Variants in AUTS2 observed in about 807,000 individuals in gnomAD.
AUTS2 encodes autism susceptibility gene 2 protein.
In AUTS2, 17 loss-of-function variants were observed where a neutral mutation model predicts 112.4. The ratio of observed to expected loss-of-function variants is 0.15; its 90% CI spans 0.10 to 0.23. AUTS2 has a LOEUF of 0.23. Among genes scored for constraint, AUTS2 ranks in the 10% least tolerant of loss-of-function variants. The pLI is 1.00. For synonymous variants in AUTS2, 751 were observed against 702.7 expected (o/e 1.07, Z -1.09); for missense variants, 1,510 against 1,701.6 (o/e 0.89, Z 1.98).
At chr7:69,906,058 G>T (rs1775756377) in intron 2 of AUTS2, among the ~76,000 whole-genome samples, 1 of 152,184 alleles carries the variant, frequency 6.6e-6, no homozygotes, top group South Asian at 2.1e-4. Flanking sequence ...AAAGTGACAG[G>T]AGTGATTCTC....
At chr7:69,856,311 A>C (rs1792718215) in intron 1 of AUTS2, among the ~76,000 whole-genome samples, 1 of 152,136 alleles carries the variant, frequency 6.6e-6, no homozygotes, top group South Asian at 2.1e-4. Context: ...GAAAGGAAGA[A>C]AGTGATCACC....
intron 5 of AUTS2, among the ~76,000 whole-genome samples, chr7:70,495,661 G>T (rs1311743865): frequency 2.8e-5 from 3 of 105,902 alleles, no homozygotes; most frequent in East Asian, 3.0e-4. Flanking sequence ...CATCAGCATC[G>T]ATCACACACC....
intron 4 of AUTS2, among the ~76,000 whole-genome samples, chr7:70,301,417 G>A (rs1164459398): frequency 2.0e-5 from 3 of 151,136 alleles, no homozygotes; most frequent in Non-Finnish European, 3.0e-5. Flanking sequence ...TAGTATGTGT[G>A]GATCTTTTTT....
intron 4 of AUTS2, among the ~76,000 whole-genome samples, chr7:70,231,620 T>G (rs1485208933): frequency 6.6e-6 from 1 of 151,702 alleles, no homozygotes; most frequent in East Asian, 1.9e-4. Context: ...TTTTTTTGTA[T>G]TTTTAGTAGA....
At chr7:70,775,302 A>T (rs984215378) in intron 12 of AUTS2, 55 bp from the exon 13 acceptor site, 12 of 1,505,344 alleles carry the variant, frequency 8.0e-6, no homozygotes, top group Non-Finnish European at 1.1e-5. Flanking sequence ...TTTGTTAATT[A>T]GAGCAATTGT....
chr7:70,334,385 A>G lies in AUTS2; in HGVS notation c.661-101367A>G, dbSNP rs1429068680. Among the ~76,000 whole-genome samples, 10 of 152,322 alleles carry G rather than the reference A, an allele frequency of 6.6e-5. No homozygotes were observed. The East Asian group carries it at 1.7e-3, about 26-fold the overall frequency. ...AATCTTAAAGAGTAGGACTGATAAC[A>G]GATACAGAGAAATGCGATTCTGGAG... On this transcript the variant is annotated intron_variant, in intron 4 of 18. Coordinates refer to ENST00000342771, the MANE Select transcript of AUTS2 (RefSeq NM_015570.4).
At chr7:69,894,128 C>G (rs1453968032) in intron 1 of AUTS2, among the ~76,000 whole-genome samples, 2 of 152,116 alleles carry the variant, frequency 1.3e-5, no homozygotes, top group African/African-American at 2.4e-5. Flanking sequence ...ACACTTACCC[C>G]CTCTATTGAC....
Position 70,451,172 on chromosome 7 carries a change from G to A in AUTS2, c.690+15391G>A, listed in dbSNP as rs1254968236. Among the ~76,000 whole-genome samples, 4 of 152,086 alleles carry A rather than the reference G, an allele frequency of 2.6e-5. No homozygotes were observed. The East Asian group carries it at 7.7e-4, about 29-fold the overall frequency. On this transcript the variant is annotated intron_variant, in intron 5 of 18. Transcript: ENST00000342771. ...GTGTCTACAGGAATAAATATACGTG[G>A]TGATGATAACCATTAAAAACAAAAT... is the stretch of plus-strand genomic sequence containing the variant.
chr7:70,403,714 C>T (rs1050590028), intron 4 of AUTS2, among the ~76,000 whole-genome samples: 1 of 152,284 alleles, frequency 6.6e-6, no homozygotes. Context: ...CTGAGCAGAG[C>T]CGCAAAAGAA....
At chr7:70,351,482 G>A (rs989865799) in intron 4 of AUTS2, among the ~76,000 whole-genome samples, 1 of 152,194 alleles carries the variant, frequency 6.6e-6, no homozygotes, top group African/African-American at 2.4e-5. Flanking sequence ...TGTGAATAGT[G>A]CTGCAGTGAA....
chr7:70,579,323 A>G (rs1018373283), intron 5 of AUTS2, among the ~76,000 whole-genome samples: 6 of 150,198 alleles, frequency 4.0e-5, no homozygotes, highest in South Asian at 2.2e-4. Flanking sequence ...TCAGTATGCA[A>G]TGCTGAGAAG....
chr7:69,802,175 A>G (rs1228255520), intron 1 of AUTS2, among the ~76,000 whole-genome samples: 1 of 152,194 alleles, frequency 6.6e-6, no homozygotes, highest in Non-Finnish European at 1.5e-5. Flanking sequence ...CCCTGACTAA[A>G]TCTTAGCCTG....
intron 4 of AUTS2, among the ~76,000 whole-genome samples, chr7:70,311,660 G>A (rs12698893): frequency 0.2 from 31,115 of 152,092 alleles, 3,198 homozygotes; most frequent in Middle Eastern, 0.32. Flanking sequence ...GCATTCAAGC[G>A]ATTCTTGTGC....
chr7:70,723,549 A>G (rs974270015), intron 6 of AUTS2, among the ~76,000 whole-genome samples: 6 of 152,054 alleles, frequency 3.9e-5, no homozygotes, highest in Admixed American at 2.0e-4. Flanking sequence ...TTTGAGTCAG[A>G]CAGACAGCAG....
At chr7:69,949,110 T>A (rs1796931390) in intron 2 of AUTS2, among the ~76,000 whole-genome samples, 1 of 152,128 alleles carries the variant, frequency 6.6e-6, no homozygotes, top group African/African-American at 2.4e-5. Flanking sequence ...CCCAGCCTAT[T>A]TCTTGATTTT....
At chr7:70,328,618 T>G (rs1790601576) in intron 4 of AUTS2, among the ~76,000 whole-genome samples, 1 of 152,162 alleles carries the variant, frequency 6.6e-6, no homozygotes, top group African/African-American at 2.4e-5. Context: ...GCTAGATGCT[T>G]GGAAGTTGTA....
chr7:69,798,234 T>C (rs1016246976), intron 1 of AUTS2, among the ~76,000 whole-genome samples: 2 of 152,166 alleles, frequency 1.3e-5, no homozygotes, highest in Non-Finnish European at 2.9e-5. Context: ...GTGTTTGTGC[T>C]GGGAGGAACG....
In AUTS2 at chr7:69,933,916, G is replaced by A. The variant is rs572639495; in HGVS notation, c.522+34418G>A. ...TGACAATAGTCACAAAACTCTTTCC[G>A]TACTTAGAAGACTAAAACCAGAAAT... On this transcript the variant is annotated intron_variant, in intron 2 of 18. Coordinates refer to ENST00000342771, the MANE Select transcript of AUTS2 (RefSeq NM_015570.4). 1.2e-4 allele frequency among the ~76,000 whole-genome samples: 19 copies of A among 152,226 alleles called. 1 individual carries two copies. In the South Asian group the frequency reaches 3.5e-3, roughly 28 times the overall value.
intron 5 of AUTS2, among the ~76,000 whole-genome samples, chr7:70,660,413 C>G (rs746658508): frequency 1.1e-4 from 17 of 152,174 alleles, no homozygotes; most frequent in Non-Finnish European, 2.9e-5. Context: ...GCACCTAGCT[C>G]CGTGCACAGC....
Sources: gnomAD v4.1 joint callset for allele counts (sites outside exome capture counted in the v4.1 genomes callset) on GRCh38, gnomAD v4.1.1 for gene constraint, MANE v1.5 for transcripts, NCBI Gene and HGNC (gene_info 2026-07-23, HGNC 2026-07-21) for gene names.